XK: variants seen among roughly 807,000 people sequenced by gnomAD.
XK encodes the protein X-linked Kx blood group antigen, Kell and VPS13A binding protein.
XK carries 2 observed loss-of-function variants against 14.0 expected under a neutral mutation model. That is an observed-to-expected ratio of 0.14 (90% confidence interval 0.06 to 0.45). The LOEUF (loss-of-function observed/expected upper bound fraction) is 0.45. XK is among the 20% of genes least tolerant of loss of function. The pLI is 0.98. For synonymous variants in XK, 149 were observed against 147.5 expected (o/e 1.01, Z -0.08); for missense variants, 235 against 341.5 (o/e 0.69, Z 2.46).
intron 2 of XK, among the ~76,000 whole-genome samples, chrX:37,725,569 G>A (rs1230892924): frequency 3.6e-5 from 4 of 110,961 alleles, no homozygotes; most frequent in Non-Finnish European, 3.8e-5. Context: ...CTTACCCTGC[G>A]ATCCAGCAAA....
rs1927048938 is a variant in XK at position 37,685,843 on chromosome X, C to T, written c.-119C>T. ...CGTGCCCTCGGCGGGCTGCGCAGAG[C>T]GCGGGAGCGGTTTGGGGCTGGGCAT... is the stretch of plus-strand genomic sequence containing the variant. On this transcript the variant is annotated 5_prime_UTR_variant, in exon 1 of 3. Transcript: ENST00000378616. The T allele has an allele frequency of 3.5e-6, 3 of 858,655 alleles. No homozygotes were observed. Among genetic ancestry groups the T allele is most frequent in the Non-Finnish European group, 4.7e-6 (3 of 637,499 alleles). The allele number at this position is 858,655 out of a possible 1,213,427, so 70.8% of individuals were successfully genotyped here. A position where few individuals can be genotyped will look rare whatever the true frequency, so the allele number is the denominator to read the frequency against.
intron 2 of XK, among the ~76,000 whole-genome samples, chrX:37,707,501 C>T (rs1454301077): frequency 5.8e-5 from 6 of 103,726 alleles, no homozygotes; most frequent in South Asian, 4.6e-4. Flanking sequence ...GGGCGGCTGC[C>T]GGGCGGAAGG....
At chrX:37,704,830 C>A (rs1192800439) in intron 2 of XK, among the ~76,000 whole-genome samples, 2 of 111,044 alleles carry the variant, frequency 1.8e-5, no homozygotes, top group Non-Finnish European at 3.8e-5. Flanking sequence ...AATGAAACTC[C>A]GTCTCAAAAG....
chrX:37,703,655 T>C (rs1927457062), intron 2 of XK, among the ~76,000 whole-genome samples: 1 of 112,164 alleles, frequency 8.9e-6, no homozygotes, highest in Non-Finnish European at 1.9e-5. Context: ...AATCAGCTCT[T>C]ATAAAGTCAC....
At chrX:37,703,697 C>T (rs1178720642) in intron 2 of XK, among the ~76,000 whole-genome samples, 1 of 111,825 alleles carries the variant, frequency 8.9e-6, no homozygotes, top group Non-Finnish European at 1.9e-5. Flanking sequence ...AGAATGATGG[C>T]CTGGCCTTCC....
chrX:37,706,653 A>G (rs1158574767), intron 2 of XK, among the ~76,000 whole-genome samples: 4 of 107,771 alleles, frequency 3.7e-5, no homozygotes, highest in African/African-American at 3.4e-5. Context: ...TTTTATTTTT[A>G]TTGATCATTC....
intron 1 of XK, among the ~76,000 whole-genome samples, chrX:37,689,324 T>TGA (rs1927160669): frequency 8.9e-6 from 1 of 112,636 alleles, no homozygotes; most frequent in South Asian, 3.6e-4. Context: ...TTCTTCCTGC[T>TGA]GACTGTTTGA....
intron 2 of XK, among the ~76,000 whole-genome samples, chrX:37,720,186 G>A (rs1331361699): frequency 9.0e-6 from 1 of 110,863 alleles, no homozygotes; most frequent in African/African-American, 3.3e-5. Flanking sequence ...TTGTTTCTTA[G>A]TACTCATTTT....
chrX:37,715,101 T>C (rs1927741919), intron 2 of XK, among the ~76,000 whole-genome samples: 1 of 110,181 alleles, frequency 9.1e-6, no homozygotes, highest in African/African-American at 3.3e-5. Context: ...TACGTGTGTG[T>C]GTGTATATAT....
In XK at chrX:37,729,865, C is replaced by T. The variant is rs1556450733; in HGVS notation, c.*1403C>T. 9.0e-6 allele frequency: 1 copy of T among 111,560 alleles called. No individual in the cohort carries two copies. The highest frequency in any genetic ancestry group is 1.9e-5 in the Non-Finnish European group (1 of 53,072). 9.2% of individuals were successfully genotyped at this position (111,560 alleles called of 1,213,427 possible). On this transcript the variant is annotated 3_prime_UTR_variant, in exon 3 of 3. Coordinates refer to ENST00000378616, the MANE Select transcript of XK (RefSeq NM_021083.4). ...AAAACGTATTTATCTGGCCATTGCACTTCGGATAATTTTCATTTTTAATTC... is the reference window on the plus strand; with the variant it reads ...AAAACGTATTTATCTGGCCATTGCATTTCGGATAATTTTCATTTTTAATTC...
At chrX:37,692,949 C>T (rs1797711082) in intron 1 of XK, among the ~76,000 whole-genome samples, 1 of 110,094 alleles carries the variant, frequency 9.1e-6, no homozygotes, top group African/African-American at 3.3e-5. Context: ...GACAAAATGT[C>T]GTACACAAAT....
chrX:37,716,399 T>C (rs989637225), intron 2 of XK, among the ~76,000 whole-genome samples: 11 of 111,886 alleles, frequency 9.8e-5, no homozygotes, highest in African/African-American at 3.6e-4. Context: ...GAAGGGAAGA[T>C]AGATTGGGAG....
intron 2 of XK, among the ~76,000 whole-genome samples, chrX:37,701,713 G>T (rs1556443883): frequency 8.9e-6 from 1 of 112,168 alleles, no homozygotes; most frequent in Non-Finnish European, 1.9e-5. Flanking sequence ...AGCTGCATCT[G>T]TCTCCTCCCC....
At chrX:37,693,476 C>CATGTGTGTGTGTGTGT (rs1556441870) in intron 1 of XK, among the ~76,000 whole-genome samples, 5 of 95,935 alleles carry the variant, frequency 5.2e-5, no homozygotes. Context: ...TCTATCAATT[C>CATGTGTGTGTGTGTGT]GTGTGTGTGT....
chrX:37,697,237 T>G (rs1301209092), intron 2 of XK, among the ~76,000 whole-genome samples: 1 of 112,247 alleles, frequency 8.9e-6, no homozygotes, highest in Non-Finnish European at 1.9e-5. Flanking sequence ...GGTTATGTGT[T>G]TTCTTTTTAT....
intron 2 of XK, among the ~76,000 whole-genome samples, chrX:37,707,651 G>A (rs782670391): frequency 1.8e-5 from 2 of 109,987 alleles, no homozygotes; most frequent in African/African-American, 3.3e-5. Flanking sequence ...GACAATGGGC[G>A]GCCGGGCAGA....
intron 2 of XK, among the ~76,000 whole-genome samples, chrX:37,704,598 G>A (rs1485962221): frequency 1.8e-5 from 2 of 111,511 alleles, no homozygotes; most frequent in African/African-American, 6.5e-5. Context: ...CACTTTGGGA[G>A]GCCAAGGCAG....
chrX:37,729,856 G>A lies in XK; in HGVS notation c.*1394G>A, dbSNP rs1043625610. 1.3e-4 allele frequency: 15 copies of A among 111,542 alleles called. No individual in the cohort carries two copies. The highest frequency in any genetic ancestry group is 1.1e-3 in the Admixed American group (12 of 10,490). 9.2% of individuals were successfully genotyped at this position (111,542 alleles called of 1,213,427 possible). On this transcript the variant is annotated 3_prime_UTR_variant, in exon 3 of 3. Coordinates refer to ENST00000378616, the MANE Select transcript of XK (RefSeq NM_021083.4). ...TTAACCTACAAAACGTATTTATCTG[G>A]CCATTGCACTTCGGATAATTTTCAT...
At position 37,731,739 on chromosome X, in the gene XK, A is replaced by G. The variant is rs1423434508; in HGVS notation, c.*3277A>G. 1 of 111,709 alleles carries G rather than the reference A, an allele frequency of 9.0e-6. No homozygotes were observed. Among genetic ancestry groups the G allele is most frequent in the East Asian group, 2.8e-4 (1 of 3,591 alleles). 9.2% of individuals were successfully genotyped at this position (111,709 alleles called of 1,213,427 possible). A position where few individuals can be genotyped will look rare whatever the true frequency, so the allele number is the denominator to read the frequency against. ...AGCACCCAAACACATGGCACTTGGA[A>G]GAAAAAGACCCACTGAATCTGAGAA... On this transcript the variant is annotated 3_prime_UTR_variant, in exon 3 of 3. Transcript: ENST00000378616.
Sources: gnomAD v4.1 joint callset for allele counts (sites outside exome capture counted in the v4.1 genomes callset) on GRCh38, gnomAD v4.1.1 for gene constraint, MANE v1.5 for transcripts, NCBI Gene and HGNC (gene_info 2026-07-23, HGNC 2026-07-21) for gene names.